DST: variants seen among roughly 807,000 people sequenced by gnomAD.
DST encodes the protein bullous pemphigoid antigen.
In DST, 253 loss-of-function variants were observed where a neutral mutation model predicts 875.2. The observed-to-expected ratio is 0.29, with a 90% CI of 0.26 to 0.32. The LOEUF is 0.32. Ranked by LOEUF, DST falls within the 10% of genes least tolerant of loss-of-function variation. The pLI is 1.00. For missense variants in DST, 8,287 were observed against 9,111.6 expected (o/e 0.91, Z 3.68); for synonymous variants, 3,124 against 3,197.1 (o/e 0.98, Z 0.77).
Position 56,634,638 on chromosome 6 carries a change from A to T in DST, c.3340-22T>A, listed in dbSNP as rs575935070. 266 of 1,613,924 alleles carry T rather than the reference A, an allele frequency of 1.6e-4. 2 individuals are homozygous for T. In the South Asian group the frequency reaches 2.8e-3, roughly 17 times the overall value. ...TTATCTGGTTTAAAATAAAGAGCAG[A>T]ATAACTCAATGAGGTCACTGTTAAC... On this transcript the variant is annotated intron_variant, in intron 25 of 103. Coordinates refer to ENST00000680361, the MANE Select transcript of DST (RefSeq NM_001374736.1).
chr6:56,562,923 C>A (rs1229621020), intron 55 of DST, among the ~76,000 whole-genome samples: 1 of 152,056 alleles, frequency 6.6e-6, no homozygotes, highest in Non-Finnish European at 1.5e-5. Context: ...TGAACATATC[C>A]TTTTTTATGG....
At chr6:56,924,469 C>T (rs138193060) in intron 2 of DST, among the ~76,000 whole-genome samples, 252 of 152,254 alleles carry the variant, frequency 1.7e-3, no homozygotes, top group African/African-American at 5.8e-3. Flanking sequence ...TATACATACA[C>T]ACACAGTTCA....
At chr6:56,645,716 A>T (rs1406146303) in intron 15 of DST, 150 bp downstream of exon 15, 2 of 896,616 alleles carry the variant, frequency 2.2e-6, no homozygotes, top group Non-Finnish European at 3.4e-6. Context: ...AATCTCTTAG[A>T]AGAGTTTCTA....
chr6:56,672,469 G>A lies in DST; in HGVS notation c.1048-1662C>T, dbSNP rs374046969. On this transcript the variant is annotated intron_variant, in intron 9 of 103. Transcript: ENST00000680361. ...ACTCTGCACATGAACACATCATATA[G>A]TACACATAGAAGAAATTTCTTTTTT... Among the ~76,000 whole-genome samples the A allele has an allele frequency of 2.6e-4, 39 of 152,186 alleles. 1 individual carries two copies. The highest frequency in any genetic ancestry group is 7.8e-4 in the Admixed American group (12 of 15,290).
chr6:56,633,199 T>G (rs566777983), intron 27 of DST, among the ~76,000 whole-genome samples, 162 bp from the exon 28 acceptor site: 1 of 151,502 alleles, frequency 6.6e-6, no homozygotes, highest in Non-Finnish European at 1.5e-5. Context: ...TAGGTGGTTT[T>G]TTTTTGTTTT....
At chr6:56,497,686 G>T in intron 81 of DST, 170 bp downstream of exon 81, 1 of 944,492 alleles carries the variant, frequency 1.1e-6, no homozygotes, top group Non-Finnish European at 1.5e-6. Flanking sequence ...ATTATGCTAA[G>T]AACTAGAAAG....
Position 56,893,587 on chromosome 6 carries a change from TA to T in DST, c.417+6833del, listed in dbSNP as rs1562313752. 3.1e-3 allele frequency among the ~76,000 whole-genome samples: 217 copies of T among 70,154 alleles called. 1 individual carries two copies. The highest frequency in any genetic ancestry group is 4.0e-3 in the Admixed American group (33 of 8,314). 46.0% of individuals were successfully genotyped at this position (70,154 alleles called of 152,430 possible). On this transcript the variant is annotated intron_variant, in intron 3 of 103. Coordinates refer to ENST00000680361, the MANE Select transcript of DST (RefSeq NM_001374736.1). ...CTTTTTTTTTTTTTTTTTTTTTTTT[TA>T]TTTTTTTTTATTTTTTATTTTTTAT...
intron 9 of DST, among the ~76,000 whole-genome samples, chr6:56,696,746 A>G (rs1428106330): frequency 6.6e-6 from 1 of 152,036 alleles, no homozygotes; most frequent in Admixed American, 6.6e-5. Flanking sequence ...GGCATTTCAT[A>G]CTGCTCACCA....
intron 4 of DST, among the ~76,000 whole-genome samples, chr6:56,780,443 T>C (rs1473860804): frequency 1.3e-5 from 2 of 151,508 alleles, no homozygotes. Flanking sequence ...TGGTATCTCA[T>C]TGTGGTTTTG....
chr6:56,553,193 T>C lies in DST; in HGVS notation c.15599A>G (p.Glu5200Gly). 2 of 1,613,998 alleles carry C rather than the reference T, an allele frequency of 1.2e-6. No individual in the cohort carries two copies. Among genetic ancestry groups the C allele is most frequent in the Non-Finnish European group, 1.7e-6 (2 of 1,179,900 alleles). ...EEIKFCLDPAEGENSIAKLKS... is the reference protein window; with the variant it reads ...EEIKFCLDPAGGENSIAKLKS... ...TAACTTGGCAATAGAATTCTCTCCT[T>C]CAGCAGGATCCAAGCAAAATTTTAT... The change falls in exon 61 of 104, where the codon GAA becomes GGA. Residue 5200 changes from glutamate (E) to glycine (G), a missense_variant. Physicochemically the swap from Glu to Gly is moderately conservative, Grantham distance 98 (BLOSUM62 -2). Around this residue, in one of 10 missense-constraint regions of DST, gnomAD observed 1,513 missense variants for 1,677.8 expected, o/e 0.90. Coordinates refer to ENST00000680361, the MANE Select transcript of DST (RefSeq NM_001374736.1).
intron 3 of DST, among the ~76,000 whole-genome samples, chr6:56,882,359 G>A (rs898526322): frequency 3.3e-5 from 5 of 152,160 alleles, no homozygotes; most frequent in East Asian, 1.9e-4. Context: ...TATTTTTATT[G>A]TGTTTGGCAA....
At chr6:56,603,441 G>T in intron 41 of DST, 21 bp from the exon 42 acceptor site, 1 of 1,604,330 alleles carries the variant, frequency 6.2e-7, no homozygotes, top group Non-Finnish European at 8.5e-7. Context: ...ATATATCCCG[G>T]ACCTATTTAC....
intron 9 of DST, among the ~76,000 whole-genome samples, chr6:56,689,227 T>C (rs2099210343): frequency 1.3e-5 from 2 of 152,224 alleles, no homozygotes; most frequent in South Asian, 4.2e-4. Flanking sequence ...AGCAGTAGAA[T>C]CATGATCTAG....
Position 56,481,818 on chromosome 6 carries a change from T to G in DST, c.21531+232A>C, listed in dbSNP as rs77322792. 7.8e-3 allele frequency among the ~76,000 whole-genome samples: 1,189 copies of G among 152,278 alleles called. 13 individuals carry two copies. The highest frequency in any genetic ancestry group is 0.027 in the African/African-American group (1,105 of 41,552). On this transcript the variant is annotated intron_variant, in intron 90 of 103. Coordinates refer to ENST00000680361, the MANE Select transcript of DST (RefSeq NM_001374736.1). The stretch of plus-strand genomic sequence containing the variant: ...TCCTTGAGATAGGAAACAGAGTAAC[T>G]ACCTTCCCTGAAAAGGAAACATCAA...
In DST at chr6:56,900,627, G is replaced by C; in HGVS notation, c.217-6C>G. The C allele has an allele frequency of 7.3e-7, 1 of 1,366,722 alleles. No homozygotes were observed. Among genetic ancestry groups the C allele is most frequent in the Non-Finnish European group, 9.8e-7 (1 of 1,021,498 alleles). The allele number at this position is 1,366,722 out of a possible 1,614,324, so 84.7% of individuals were successfully genotyped here. Reference sequence around the variant, plus strand: ...CGAGGGCTTGCTCTGAATCCCTGTGGCAGAAAACACAACCAAGCAAATCCA... The same window carrying C: ...CGAGGGCTTGCTCTGAATCCCTGTGCCAGAAAACACAACCAAGCAAATCCA... On this transcript the variant is annotated splice_polypyrimidine_tract_variant and splice_region_variant and intron_variant, in intron 2 of 103. Coordinates refer to ENST00000680361, the MANE Select transcript of DST (RefSeq NM_001374736.1).
At chr6:56,472,663 C>A (rs1022930647) in intron 93 of DST, among the ~76,000 whole-genome samples, 7 of 152,162 alleles carry the variant, frequency 4.6e-5, no homozygotes, top group Admixed American at 1.3e-4. Flanking sequence ...ATGAGGGCAG[C>A]AGGCACTGGG....
intron 36 of DST, chr6:56,620,472 T>C: frequency 6.2e-7 from 1 of 1,614,170 alleles, no homozygotes; most frequent in East Asian, 2.2e-5. Flanking sequence ...CTTTCAGCCC[T>C]TATCTTCTGC....
At chr6:56,719,445 A>G (rs1351634364) in intron 5 of DST, among the ~76,000 whole-genome samples, 1 of 152,264 alleles carries the variant, frequency 6.6e-6, no homozygotes, top group Non-Finnish European at 1.5e-5. Flanking sequence ...AAAGGTTACC[A>G]AGTGGTCTAG....
Position 56,540,472 on chromosome 6 carries a change from T to C in DST, c.16609-3532A>G, listed in dbSNP as rs1034418799. The C allele has an allele frequency of 2.6e-5, 4 of 152,764 alleles. No homozygotes were observed. In the East Asian group the frequency reaches 5.8e-4, roughly 22 times the overall value. 9.5% of individuals were successfully genotyped at this position (152,764 alleles called of 1,614,324 possible). ...CAATGTTGCATTCTCCTGAATCATA[T>C]TGTGTCAAAAGTGTCACATTTTCTA... On this transcript the variant is annotated intron_variant, in intron 61 of 103. Coordinates refer to ENST00000680361, the MANE Select transcript of DST (RefSeq NM_001374736.1).
Sources: gnomAD v4.1 joint callset for allele counts (sites outside exome capture counted in the v4.1 genomes callset) on GRCh38, gnomAD v4.1.1 for gene constraint, gnomAD v4.1.1 regional missense constraint, MANE v1.5 for transcripts, NCBI Gene and HGNC (gene_info 2026-07-23, HGNC 2026-07-21) for gene names.